Variants in TBCA observed in about 807,000 individuals in gnomAD.
TBCA encodes tubulin folding cofactor A, also known as tubulin-specific chaperone A.
In TBCA, 6 loss-of-function variants were observed where a neutral mutation model predicts 15.8. That is an observed-to-expected ratio of 0.38 (90% CI 0.21 to 0.75). The LOEUF (loss-of-function observed/expected upper bound fraction) is 0.75, where lower values mean the gene tolerates loss of function less well. Among genes scored for constraint, TBCA ranks in the 30% least tolerant of loss-of-function variants. TBCA has a pLI of 0.46. For synonymous variants in TBCA, 32 were observed against 42.3 expected (o/e 0.76, Z 0.94); for missense variants, 90 against 131.2 (o/e 0.69, Z 1.53).
intron 1 of TBCA, among the ~76,000 whole-genome samples, chr5:77,730,839 A>G (rs1053060993): frequency 6.6e-6 from 1 of 152,194 alleles, no homozygotes; most frequent in African/African-American, 2.4e-5. Flanking sequence ...CTCACTAAAT[A>G]GGTTATAGAA....
chr5:77,756,118 G>A (rs1435506740), intron 1 of TBCA, among the ~76,000 whole-genome samples: 1 of 152,140 alleles, frequency 6.6e-6, no homozygotes, highest in Non-Finnish European at 1.5e-5. Context: ...TTAAAAGGAG[G>A]AACCAGACCG....
At chr5:77,692,047 T>C (rs1333491384) in intron 3 of TBCA, 3 of 985,322 alleles carry the variant, frequency 3.0e-6, no homozygotes, top group Non-Finnish European at 3.6e-6. Context: ...TTTTCTGATA[T>C]TTAAAGATTG....
At chr5:77,769,535 G>A (rs1161487296) in intron 1 of TBCA, among the ~76,000 whole-genome samples, 1 of 151,988 alleles carries the variant, frequency 6.6e-6, no homozygotes, top group Non-Finnish European at 1.5e-5. Context: ...ACTAATAGTG[G>A]AGATTTTACA....
chr5:77,720,217 T>A (rs987925906), intron 1 of TBCA, among the ~76,000 whole-genome samples: 1 of 152,122 alleles, frequency 6.6e-6, no homozygotes, highest in Non-Finnish European at 1.5e-5. Flanking sequence ...TGCAACTGGT[T>A]TGGCTAAGTC....
chr5:77,762,796 C>A (rs1316236962), intron 1 of TBCA, among the ~76,000 whole-genome samples: 1 of 152,152 alleles, frequency 6.6e-6, no homozygotes, highest in Non-Finnish European at 1.5e-5. Flanking sequence ...CTGAAAGTCT[C>A]CCCTCTCCAC....
chr5:77,769,109 T>C (rs1263007654), intron 1 of TBCA, among the ~76,000 whole-genome samples: 1 of 152,198 alleles, frequency 6.6e-6, no homozygotes, highest in African/African-American at 2.4e-5. Context: ...CCTGCTATAT[T>C]GCTCCTAAGA....
intron 1 of TBCA, among the ~76,000 whole-genome samples, chr5:77,738,771 C>T (rs1357444754): frequency 6.6e-6 from 1 of 152,074 alleles, no homozygotes; most frequent in Non-Finnish European, 1.5e-5. Flanking sequence ...TTAGTAGAGA[C>T]AGGGTTTCAC....
At chr5:77,742,200 T>C (rs1355481968) in intron 1 of TBCA, among the ~76,000 whole-genome samples, 1 of 152,206 alleles carries the variant, frequency 6.6e-6, no homozygotes, top group Non-Finnish European at 1.5e-5. Context: ...CAGTTAAGCA[T>C]CCCTAATCCA....
At chr5:77,709,045 T>C (rs1346086334) in intron 1 of TBCA, among the ~76,000 whole-genome samples, 1 of 150,744 alleles carries the variant, frequency 6.6e-6, no homozygotes, top group East Asian at 2.0e-4. Context: ...AACAGCACAA[T>C]GATAAAAGCT....
intron 3 of TBCA, 105 bp downstream of exon 3, chr5:77,693,158 TAAG>T: frequency 6.5e-7 from 1 of 1,540,234 alleles, no homozygotes; most frequent in Non-Finnish European, 8.7e-7. Flanking sequence ...GGCAAGTGAA[TAAG>T]AAATACTGCC....
intron 2 of TBCA, among the ~76,000 whole-genome samples, chr5:77,706,553 C>T (rs889164557): frequency 6.6e-6 from 1 of 151,726 alleles, no homozygotes; most frequent in Non-Finnish European, 1.5e-5. Flanking sequence ...GGTGGCTCAC[C>T]CCTGTAATCC....
intron 2 of TBCA, among the ~76,000 whole-genome samples, chr5:77,698,404 A>T (rs1745924340): frequency 6.6e-6 from 1 of 152,214 alleles, no homozygotes; most frequent in Non-Finnish European, 1.5e-5. Context: ...AAACTTAATT[A>T]CTTAAATAGT....
At chr5:77,720,278 A>G (rs979311585) in intron 1 of TBCA, among the ~76,000 whole-genome samples, 1 of 152,110 alleles carries the variant, frequency 6.6e-6, no homozygotes, top group African/African-American at 2.4e-5. Context: ...TCTGCATGTG[A>G]GGGGTTTTGT....
intron 1 of TBCA, among the ~76,000 whole-genome samples, chr5:77,737,504 C>T (rs971430557): frequency 1.1e-4 from 17 of 152,116 alleles, no homozygotes; most frequent in African/African-American, 4.1e-4. Flanking sequence ...TGACATGTCA[C>T]GTAATCTGGG....
intron 1 of TBCA, among the ~76,000 whole-genome samples, chr5:77,764,531 G>GT (rs1461806397): frequency 6.6e-6 from 1 of 151,930 alleles, no homozygotes; most frequent in Non-Finnish European, 1.5e-5. Flanking sequence ...TTTTAACTCT[G>GT]TTCACCTCTT....
At chr5:77,720,300 G>A (rs897033507) in intron 1 of TBCA, among the ~76,000 whole-genome samples, 14 of 152,150 alleles carry the variant, frequency 9.2e-5, no homozygotes, top group African/African-American at 3.4e-4. Flanking sequence ...TTGTTTTTAA[G>A]TGAGACTATA....
chr5:77,751,580 A>C (rs1747342985), intron 1 of TBCA, among the ~76,000 whole-genome samples: 1 of 151,966 alleles, frequency 6.6e-6, no homozygotes, highest in East Asian at 1.9e-4. Flanking sequence ...TTTTTGATTT[A>C]CATTCTCCCC....
chr5:77,726,563 G>C (rs1016730144), intron 1 of TBCA, among the ~76,000 whole-genome samples: 2 of 152,134 alleles, frequency 1.3e-5, no homozygotes, highest in Admixed American at 1.3e-4. Context: ...ATGTATTTAT[G>C]AGGTTATTAT....
At chr5:77,750,916 A>T (rs1025656528) in intron 1 of TBCA, among the ~76,000 whole-genome samples, 1 of 152,314 alleles carries the variant, frequency 6.6e-6, no homozygotes, top group Admixed American at 6.5e-5. Flanking sequence ...AGATTTAAAC[A>T]TATTCTGATT....
Sources: allele counts gnomAD v4.1 joint callset (sites outside exome capture counted in the v4.1 genomes callset), GRCh38; gene constraint gnomAD v4.1.1; transcripts MANE v1.5; gene names NCBI Gene and HGNC (gene_info 2026-07-23, HGNC 2026-07-21).